The following SHOC1 variants were observed in gnomAD, a reference collection of about 807,000 sequenced individuals.
SHOC1 encodes the protein protein shortage in chiasmata 1 ortholog.
A neutral mutation model predicts 179.2 loss-of-function variants in SHOC1; 136 were observed. That is an observed-to-expected ratio of 0.76 (90% CI 0.66 to 0.87). The LOEUF (loss-of-function observed/expected upper bound fraction) is 0.87. Among genes scored for constraint, SHOC1 ranks in the 40% least tolerant of loss-of-function variants. The pLI is 0.00. For synonymous variants in SHOC1, 489 were observed against 586.6 expected (o/e 0.83, Z 2.41); for missense variants, 1,538 against 1,700.8 (o/e 0.90, Z 1.68).
At position 111,686,884 on chromosome 9, in the gene SHOC1, A is replaced by T. The variant is rs1436382255; in HGVS notation, c.4427-14T>A. On this transcript the variant is annotated splice_polypyrimidine_tract_variant and intron_variant, in intron 27 of 27. Coordinates refer to ENST00000682961, the MANE Select transcript of SHOC1 (RefSeq NM_001378211.1). The stretch of plus-strand genomic sequence containing the variant: ...AGCACATAAAACCTGTTAAAAGGAG[A>T]AAAAGGAAAACCATTTTATTGCTTA... The T allele has an allele frequency of 6.5e-7, 1 of 1,536,632 alleles. No individual in the cohort carries two copies. The highest frequency in any genetic ancestry group is 1.4e-5 in the African/African-American group (1 of 72,872).
intron 19 of SHOC1, among the ~76,000 whole-genome samples, 189 bp downstream of exon 19, chr9:111,707,666 A>C (rs1832337778): frequency 6.6e-6 from 1 of 152,166 alleles, no homozygotes; most frequent in Admixed American, 6.5e-5. Flanking sequence ...CTGGACGCCA[A>C]TAACATATAA....
At chr9:111,790,287 G>A (rs1436533356) in intron 2 of SHOC1, among the ~76,000 whole-genome samples, 1 of 151,868 alleles carries the variant, frequency 6.6e-6, no homozygotes, top group Non-Finnish European at 1.5e-5. Flanking sequence ...GCAAATTAAC[G>A]GCAATTACTT....
intron 8 of SHOC1, among the ~76,000 whole-genome samples, chr9:111,748,623 T>G (rs1834399322): frequency 6.6e-6 from 1 of 152,154 alleles, no homozygotes; most frequent in South Asian, 2.1e-4. Context: ...TGGCTTTCTT[T>G]TTTCTTTCTT....
In SHOC1 at chr9:111,713,178, CAAAAAT is replaced by C. The variant is rs766362251; in HGVS notation, c.2416-12_2416-7del. ...ATTCTTATTATAATCAGTACCTAGTCAAAAATAAAAATTTCATATATATGTGGATGA... is the reference window on the plus strand; with the variant it reads ...ATTCTTATTATAATCAGTACCTAGTCAAAAATTTCATATATATGTGGATGA... On this transcript the variant is annotated splice_region_variant and splice_polypyrimidine_tract_variant and intron_variant, in intron 17 of 27. Transcript: ENST00000682961. 8 of 1,471,040 alleles carry C rather than the reference CAAAAAT, an allele frequency of 5.4e-6. No individual in the cohort carries two copies. Among genetic ancestry groups the C allele is most frequent in the East Asian group, 2.3e-5 (1 of 43,016 alleles). The allele number at this position is 1,471,040 out of a possible 1,614,324, so 91.1% of individuals were successfully genotyped here.
At chr9:111,740,643 G>A (rs963880167) in intron 11 of SHOC1, among the ~76,000 whole-genome samples, 1 of 152,150 alleles carries the variant, frequency 6.6e-6, no homozygotes, top group African/African-American at 2.4e-5. Flanking sequence ...GGTGATCTCA[G>A]CTCTTGCAAC....
chr9:111,755,116 C>T (rs944783899), intron 8 of SHOC1, among the ~76,000 whole-genome samples: 27 of 152,302 alleles, frequency 1.8e-4, no homozygotes, highest in African/African-American at 6.0e-4. Context: ...CTCTGTTTTA[C>T]TTAGTACAGC....
rs763463497 is a variant in SHOC1 at position 111,714,643 on chromosome 9, A to C, written c.2237-20T>G. On this transcript the variant is annotated intron_variant, in intron 16 of 27. Transcript: ENST00000682961. ...AATATCCTATTGAAGCAAAATTAGAAAAAAATTGTCTAAGTATTTGTTTTT... is the reference window on the plus strand; with the variant it reads ...AATATCCTATTGAAGCAAAATTAGACAAAAATTGTCTAAGTATTTGTTTTT... The C allele has an allele frequency of 6.3e-7, 1 of 1,588,058 alleles. No homozygotes were observed. The highest frequency in any genetic ancestry group is 1.9e-5 in the Admixed American group (1 of 53,088).
intron 12 of SHOC1, among the ~76,000 whole-genome samples, chr9:111,733,947 A>G (rs963751717): frequency 2.0e-5 from 3 of 152,092 alleles, no homozygotes; most frequent in Non-Finnish European, 2.9e-5. Flanking sequence ...CTTTTCAGAT[A>G]TTCTCTAGTG....
chr9:111,781,222 G>T, intron 3 of SHOC1: 1 of 534,024 alleles, frequency 1.9e-6, no homozygotes. Context: ...ACTACAGTTA[G>T]AACAATATCA....
chr9:111,736,617 G>C (rs1235970916), intron 12 of SHOC1, among the ~76,000 whole-genome samples: 1 of 152,066 alleles, frequency 6.6e-6, no homozygotes, highest in Non-Finnish European at 1.5e-5. Context: ...GAATCATAGA[G>C]GAAAACCTAG....
intron 18 of SHOC1, 89 bp from the exon 19 acceptor site, chr9:111,708,013 T>A: frequency 1.5e-6 from 1 of 681,232 alleles, no homozygotes; most frequent in Non-Finnish European, 2.4e-6. Context: ...AAAAATGAAT[T>A]AAAAATCTGT....
rs199805236 is a variant in SHOC1 at position 111,759,236 on chromosome 9, T to C, written c.443-388A>G. ...GACTTCTGCTGACCTTGGTCTTCTC[T>C]GCATCATTTTACCTCTTAATATCTC... is the stretch of plus-strand genomic sequence containing the variant. On this transcript the variant is annotated intron_variant, in intron 5 of 27. Transcript: ENST00000682961. 7.3e-4 allele frequency: 1,184 copies of C among 1,613,730 alleles called. 1 individual carries two copies. The highest frequency in any genetic ancestry group is 9.7e-4 in the Non-Finnish European group (1,142 of 1,179,868).
chr9:111,755,837 T>C (rs1001230947), intron 8 of SHOC1, among the ~76,000 whole-genome samples: 1 of 152,138 alleles, frequency 6.6e-6, no homozygotes, highest in Non-Finnish European at 1.5e-5. Context: ...ACAAAGAGAA[T>C]GACGGCTGGG....
chr9:111,745,637 G>A (rs1251249784), intron 10 of SHOC1, among the ~76,000 whole-genome samples: 1 of 152,194 alleles, frequency 6.6e-6, no homozygotes, highest in Non-Finnish European at 1.5e-5. Flanking sequence ...CAAGGAGGGA[G>A]GTCTTAGAAT....
At position 111,708,402 on chromosome 9, in the gene SHOC1, C is replaced by T. The variant is rs550296152; in HGVS notation, c.2489-478G>A. Among the ~76,000 whole-genome samples the T allele has an allele frequency of 2.6e-5, 4 of 152,110 alleles. No individual in the cohort carries two copies. The South Asian group carries it at 8.3e-4, about 32-fold the overall frequency. On this transcript the variant is annotated intron_variant, in intron 18 of 27. Coordinates refer to ENST00000682961, the MANE Select transcript of SHOC1 (RefSeq NM_001378211.1). ...ATTTTTAGTAGAGACAGTGTTTCAC[C>T]ATGTTGGTCAGGCTGGTCTTAAACT...
At chr9:111,772,022 C>T (rs1332008478) in intron 5 of SHOC1, among the ~76,000 whole-genome samples, 3 of 152,140 alleles carry the variant, frequency 2.0e-5, no homozygotes, top group East Asian at 3.9e-4. Flanking sequence ...CCCTTTTGAA[C>T]ATCAAGAATT....
chr9:111,718,332 C>T, intron 15 of SHOC1, 44 bp from the exon 16 acceptor site: 1 of 1,263,302 alleles, frequency 7.9e-7, no homozygotes. Context: ...CTATACATTA[C>T]AGTTTTAGAA....
chr9:111,686,991 G>A (rs956889898), intron 27 of SHOC1, 121 bp from the exon 28 acceptor site: 22 of 534,960 alleles, frequency 4.1e-5, no homozygotes, highest in African/African-American at 4.1e-4. Context: ...TGTCGCCCAG[G>A]CTGGAGTGTA....
chr9:111,769,975 G>GTTTTTTTTTTTGTTTTTTTTTTTTT, intron 5 of SHOC1, among the ~76,000 whole-genome samples: 1 of 87,806 alleles, frequency 1.1e-5, no homozygotes, highest in Non-Finnish European at 2.2e-5. Flanking sequence ...TTTATCTTCT[G>GTTTTTTTTTTTGTTTTTTTTTTTTT]TTTTTTTTTT....
Sources: gnomAD v4.1 joint callset for allele counts (sites outside exome capture counted in the v4.1 genomes callset) on GRCh38, gnomAD v4.1.1 for gene constraint, MANE v1.5 for transcripts, NCBI Gene and HGNC (gene_info 2026-07-23, HGNC 2026-07-21) for gene names.